Variants in CDYL observed in about 807,000 individuals in gnomAD.
CDYL encodes chromodomain Y like, also known as chromodomain Y-like protein.
CDYL carries 8 observed loss-of-function variants against 47.3 expected under a neutral mutation model. The ratio of observed to expected loss-of-function variants is 0.17; its 90% CI spans 0.10 to 0.31. CDYL has a LOEUF of 0.31. CDYL is among the 10% of genes least tolerant of loss of function. CDYL has a pLI of 1.00. For missense variants in CDYL, 471 were observed against 701.4 expected (o/e 0.67, Z 3.71); for synonymous variants, 266 against 265.0 (o/e 1.00, Z -0.04).
intron 2 of CDYL, 101 bp downstream of exon 2, chr6:4,892,480 C>A: frequency 8.1e-7 from 1 of 1,233,446 alleles, no homozygotes; most frequent in Non-Finnish European, 1.1e-6. Context: ...CGGGGCTTCT[C>A]ACGGCATCTG....
intron 1 of CDYL, among the ~76,000 whole-genome samples, chr6:4,818,642 C>T (rs991436768): frequency 6.6e-6 from 1 of 152,184 alleles, no homozygotes; most frequent in Admixed American, 6.5e-5. Flanking sequence ...TTTTCCTACT[C>T]ATATTATGCT....
intron 5 of CDYL, among the ~76,000 whole-genome samples, chr6:4,947,442 A>G (rs1423582122): frequency 1.3e-5 from 2 of 152,106 alleles, no homozygotes; most frequent in African/African-American, 4.8e-5. Context: ...TCTTGCTGAC[A>G]AGTCCAGGGG....
chr6:4,931,438 A>T lies in CDYL; in HGVS notation c.692-4077A>T, dbSNP rs11968003. ...TCCAGATGAGCAGAAGAAACTGGCC[A>T]TTTGAATTCCAGGTCATAGGCGTTC... On this transcript the variant is annotated intron_variant, in intron 2 of 6. Coordinates refer to ENST00000397588, the MANE Select transcript of CDYL (RefSeq NM_004824.4). Among the ~76,000 whole-genome samples the T allele has an allele frequency of 2.8e-3, 432 of 152,270 alleles. 2 individuals carry two copies. The highest frequency in any genetic ancestry group is 7.7e-3 in the African/African-American group (321 of 41,560).
chr6:4,787,765 CT>C (rs70974136), intron 1 of CDYL, among the ~76,000 whole-genome samples: 47 of 69,432 alleles, frequency 6.8e-4, no homozygotes, highest in African/African-American at 2.5e-3. Context: ...AAATTCAAGT[CT>C]TTTTTTTTTT....
rs183468392 is a variant in CDYL, at chr6:4,893,577, C to T, written c.691+1198C>T. Reference sequence around the variant, plus strand: ...GCGCGGTGGCGCGCACCTGTAATCCCGGCTGCTCAGGAGGGTGAGGCACAA... The same window carrying T: ...GCGCGGTGGCGCGCACCTGTAATCCTGGCTGCTCAGGAGGGTGAGGCACAA... On this transcript the variant is annotated intron_variant, in intron 2 of 6. Transcript: ENST00000397588. Among the ~76,000 whole-genome samples, 433 of 152,188 alleles carry T rather than the reference C, an allele frequency of 2.8e-3. 1 individual carries two copies. Among genetic ancestry groups the T allele is most frequent in the Non-Finnish European group, 4.9e-3 (334 of 67,994 alleles).
intron 2 of CDYL, among the ~76,000 whole-genome samples, chr6:4,900,779 GTA>G (rs59594195): frequency 0.02 from 1,040 of 51,664 alleles, 246 homozygotes; most frequent in Middle Eastern, 0.075. Context: ...GTATACGTGT[GTA>G]TATATATATA....
intron 1 of CDYL, among the ~76,000 whole-genome samples, chr6:4,821,260 C>CTTTTTTTTTTT (rs1176819548): frequency 3.1e-4 from 19 of 60,382 alleles, no homozygotes; most frequent in African/African-American, 9.4e-4. Context: ...TATGGGAATT[C>CTTTTTTTTTTT]TTTTTTTTTT....
chr6:4,953,934 A>T lies in CDYL; in HGVS notation c.1513A>T (p.Met505Leu), dbSNP rs747714804. The T allele has an allele frequency of 3.1e-6, 5 of 1,613,904 alleles. No individual in the cohort carries two copies. The highest frequency in any genetic ancestry group is 4.2e-6 in the Non-Finnish European group (5 of 1,179,978). Reference protein sequence around the residue: ...EESKALVRCNMKMELEQANER... With the variant: ...EESKALVRCNLKMELEQANER... ...ATCCAAAGCCCTCGTGCGCTGCAACATGAAGATGGAGCTGGAGCAGGCCAA... is the reference window on the plus strand; with the variant it reads ...ATCCAAAGCCCTCGTGCGCTGCAACTTGAAGATGGAGCTGGAGCAGGCCAA... Residue 505 changes from methionine (M) to leucine (L), a missense_variant, in exon 7 of 7, where the codon ATG becomes TTG. Around this residue, in one of 3 missense-constraint regions of CDYL, gnomAD observed 57 missense variants for 74.3 expected, o/e 0.77. Coordinates refer to ENST00000397588, the MANE Select transcript of CDYL (RefSeq NM_004824.4).
At chr6:4,818,253 T>G (rs532129451) in intron 1 of CDYL, among the ~76,000 whole-genome samples, 2 of 151,982 alleles carry the variant, frequency 1.3e-5, no homozygotes, top group African/African-American at 4.8e-5. Flanking sequence ...AGCCCCTGTC[T>G]CAAAAAATAA....
intron 4 of CDYL, among the ~76,000 whole-genome samples, chr6:4,938,237 T>G (rs1226435549): frequency 3.3e-5 from 5 of 151,886 alleles, no homozygotes; most frequent in Non-Finnish European, 5.9e-5. Context: ...TTTGTTGTTT[T>G]TTTTTTTTGT....
chr6:4,852,354 TCTTCCTTC>T (rs201796324), intron 1 of CDYL, among the ~76,000 whole-genome samples: 1 of 136,894 alleles, frequency 7.3e-6, no homozygotes, highest in African/African-American at 2.9e-5. Context: ...TTCCTTCCAA[TCTTCCTTC>T]CTTCCTTCCT....
Position 4,738,663 on chromosome 6 carries a change from CA to C in CDYL, c.186+3821del, listed in dbSNP as rs368675053. ...TGAAAAATGAGTACAACCTCTGACC[CA>C]ATTCTGCTTCTGAAGAAACACTTGT... On this transcript the variant is annotated intron_variant, in intron 3 of 8. Coordinates refer to the CDYL transcript ENST00000328908. 4.9e-3 allele frequency among the ~76,000 whole-genome samples: 739 copies of C among 152,264 alleles called. 6 individuals are homozygous for C. Among genetic ancestry groups the C allele is most frequent in the South Asian group, 0.017 (80 of 4,822 alleles).
At position 4,900,818 on chromosome 6, in the gene CDYL, T is replaced by TAGAGATAG. The variant is rs1561697687; in HGVS notation, c.691+8440_691+8441insGAGATAGA. On this transcript the variant is annotated intron_variant, in intron 2 of 6. Transcript: ENST00000397588. ...ATATATATATATATATATATATATA[T>TAGAGATAG]ATATATATATATCTTGCCTGTTTTT... is the stretch of plus-strand genomic sequence containing the variant. Among the ~76,000 whole-genome samples the TAGAGATAG allele has an allele frequency of 5.3e-4, 48 of 91,300 alleles. 7 individuals carry two copies. Among genetic ancestry groups the TAGAGATAG allele is most frequent in the African/African-American group, 2.1e-3 (46 of 21,574 alleles). The allele number at this position is 91,300 out of a possible 152,430, so 59.9% of individuals were successfully genotyped here. A position where few individuals can be genotyped will look rare whatever the true frequency, so the allele number is the denominator to read the frequency against.
chr6:4,724,862 G>A (rs1460491195), intron 2 of CDYL: 1 of 152,112 alleles, frequency 6.6e-6, no homozygotes, highest in Non-Finnish European at 1.5e-5. Context: ...TCCAAACCGT[G>A]GAAAAAGACC....
At chr6:4,791,199 ACCACTGTTCACTG>A in intron 1 of CDYL, among the ~76,000 whole-genome samples, 1 of 152,312 alleles carries the variant, frequency 6.6e-6, no homozygotes, top group Admixed American at 6.5e-5. Context: ...TGTCATCAAT[ACCACTGTTCACTG>A]TATAACCGAT....
intron 3 of CDYL, among the ~76,000 whole-genome samples, chr6:4,750,953 C>T (rs889547407): frequency 3.3e-5 from 5 of 150,686 alleles, no homozygotes; most frequent in African/African-American, 9.8e-5. Context: ...CCTGGGTTCA[C>T]GCCATTCTCC....
intron 3 of CDYL, among the ~76,000 whole-genome samples, chr6:4,751,146 C>T (rs1207648493): frequency 6.6e-6 from 1 of 152,168 alleles, no homozygotes; most frequent in East Asian, 1.9e-4. Flanking sequence ...TGAGCCACTG[C>T]GCCTGGCCAA....
At chr6:4,930,484 G>A (rs1253506699) in intron 2 of CDYL, among the ~76,000 whole-genome samples, 5 of 152,182 alleles carry the variant, frequency 3.3e-5, no homozygotes, top group Non-Finnish European at 5.9e-5. Context: ...GGAAAGGCGG[G>A]TGGACTGTTA....
intron 1 of CDYL, among the ~76,000 whole-genome samples, chr6:4,885,666 CTT>C (rs1213948969): frequency 6.6e-6 from 1 of 152,178 alleles, no homozygotes; most frequent in African/African-American, 2.4e-5. Context: ...TTCAAATTTC[CTT>C]TTGTCTCTTG....
Sources: allele counts gnomAD v4.1 joint callset (sites outside exome capture counted in the v4.1 genomes callset), GRCh38; gene constraint gnomAD v4.1.1; regional missense constraint gnomAD v4.1.1; transcripts MANE v1.5; gene names NCBI Gene and HGNC (gene_info 2026-07-23, HGNC 2026-07-21).